FHIP1A: variants seen among roughly 807,000 people sequenced by gnomAD.
FHIP1A encodes FHF complex subunit HOOK-interacting protein 1A.
In FHIP1A, 61 loss-of-function variants were observed where a neutral mutation model predicts 88.6. That is an observed-to-expected ratio of 0.69 (90% CI 0.56 to 0.85). FHIP1A has a LOEUF of 0.85. Among genes scored for constraint, FHIP1A ranks in the 40% least tolerant of loss-of-function variants. The probability of loss-of-function intolerance (pLI) is 0.00; values close to 1 mark genes in which losing one functional copy is unlikely to be tolerated. For synonymous variants in FHIP1A, 478 were observed against 496.0 expected, an observed-to-expected ratio of 0.96 and a Z score of 0.48; for missense variants, 1,154 against 1,273.5, an observed-to-expected ratio of 0.91 and a Z score of 1.43.
At chr4:151,467,859 T>C (rs1422419746) in intron 2 of FHIP1A, among the ~76,000 whole-genome samples, 1 of 151,702 alleles carries the variant, frequency 6.6e-6, no homozygotes, top group Non-Finnish European at 1.5e-5. Context: ...GGGAGAGCAT[T>C]AGGACAAATA....
rs144886285 is a variant in FHIP1A, at chr4:151,638,588, A to ATT, written c.1147-86_1147-85dup. ...GCTAAAAAAAAAAAAAGGCCATTAT[A>ATT]TTTTGTAATTCTGATTTATTTACTA... On this transcript the variant is annotated intron_variant, in intron 8 of 13. Coordinates refer to ENST00000435205, the MANE Select transcript of FHIP1A (RefSeq NM_001109977.3). The ATT allele has an allele frequency of 3.5e-3, 2,562 of 735,914 alleles. 51 individuals carry two copies. In the African/African-American group the frequency reaches 0.042, roughly 12 times the overall value. The allele number at this position is 735,914 out of a possible 1,614,324, so 45.6% of individuals were successfully genotyped here. A position where few individuals can be genotyped will look rare whatever the true frequency, so the allele number is the denominator to read the frequency against.
At chr4:151,499,981 C>T (rs1253655895) in intron 3 of FHIP1A, among the ~76,000 whole-genome samples, 1 of 152,172 alleles carries the variant, frequency 6.6e-6, no homozygotes, top group Non-Finnish European at 1.5e-5. Flanking sequence ...CCATTCTCCA[C>T]ATAGATTCTA....
intron 2 of FHIP1A, among the ~76,000 whole-genome samples, chr4:151,467,845 G>GGGA (rs746385904): frequency 6.6e-6 from 1 of 152,060 alleles, no homozygotes; most frequent in Non-Finnish European, 1.5e-5. Flanking sequence ...GGAGGGCAAG[G>GGGA]GGAGGGAGAG....
intron 7 of FHIP1A, among the ~76,000 whole-genome samples, chr4:151,609,226 A>G (rs1182488177): frequency 1.3e-5 from 2 of 152,214 alleles, no homozygotes; most frequent in Non-Finnish European, 2.9e-5. Context: ...CAGTCCTGCC[A>G]AATGCCTTGG....
At position 151,664,725 on chromosome 4, in the gene FHIP1A, C is replaced by G. The variant is rs886995492; in HGVS notation, c.*1971C>G. On this transcript the variant is annotated 3_prime_UTR_variant, in exon 14 of 14. Coordinates refer to ENST00000435205, the MANE Select transcript of FHIP1A (RefSeq NM_001109977.3). Reference sequence around the variant, plus strand: ...ATTTATTATACTCTGTTTGTTTTTGCACAAGTATTTATCTTCTTGTTTGGA... The same window carrying G: ...ATTTATTATACTCTGTTTGTTTTTGGACAAGTATTTATCTTCTTGTTTGGA... Among the ~76,000 whole-genome samples, 1 of 152,182 alleles carries G rather than the reference C, an allele frequency of 6.6e-6. No individual in the cohort carries two copies. Among genetic ancestry groups the G allele is most frequent in the African/African-American group, 2.4e-5 (1 of 41,446 alleles).
intron 2 of FHIP1A, among the ~76,000 whole-genome samples, chr4:151,464,189 C>A (rs1561506804): frequency 6.6e-6 from 1 of 152,080 alleles, no homozygotes; most frequent in Non-Finnish European, 1.5e-5. Flanking sequence ...CCATGCCCAG[C>A]AATATTTTTA....
chr4:151,546,619 C>A (rs1221254220), intron 3 of FHIP1A, among the ~76,000 whole-genome samples: 1 of 152,202 alleles, frequency 6.6e-6, no homozygotes, highest in East Asian at 1.9e-4. Context: ...TCTGGGAATT[C>A]TTCCTAGTAG....
chr4:151,589,034 C>G (rs954747274), intron 7 of FHIP1A, 108 bp downstream of exon 7: 57 of 777,208 alleles, frequency 7.3e-5, no homozygotes, highest in Non-Finnish European at 1.0e-4. Flanking sequence ...CCTGATTTTT[C>G]TTTTCATTCC....
At chr4:151,463,180 G>T (rs1729197687) in intron 2 of FHIP1A, among the ~76,000 whole-genome samples, 1 of 152,166 alleles carries the variant, frequency 6.6e-6, no homozygotes, top group Non-Finnish European at 1.5e-5. Context: ...GCACATTCTG[G>T]CTGTTTTGGT....
At chr4:151,630,444 T>A (rs1736113572) in intron 8 of FHIP1A, among the ~76,000 whole-genome samples, 1 of 152,164 alleles carries the variant, frequency 6.6e-6, no homozygotes. Flanking sequence ...GTTTGCAACA[T>A]ATATAGAGAT....
chr4:151,658,586 C>G (rs1420073405), intron 13 of FHIP1A, among the ~76,000 whole-genome samples: 1 of 152,122 alleles, frequency 6.6e-6, no homozygotes, highest in Non-Finnish European at 1.5e-5. Flanking sequence ...CACGTAAGGT[C>G]CATTCTGCAG....
chr4:151,514,062 T>C (rs1463827841), intron 3 of FHIP1A, among the ~76,000 whole-genome samples: 1 of 151,972 alleles, frequency 6.6e-6, no homozygotes, highest in African/African-American at 2.4e-5. Flanking sequence ...AGTAAAGCTC[T>C]CCTCAGCAAA....
At chr4:151,608,037 CT>C (rs376335318) in intron 7 of FHIP1A, among the ~76,000 whole-genome samples, 217 of 67,118 alleles carry the variant, frequency 3.2e-3, no homozygotes, top group African/African-American at 9.8e-3. Context: ...CTTTCTTCTT[CT>C]TTTTTTTTTT....
chr4:151,634,127 T>C (rs573916337), intron 8 of FHIP1A, among the ~76,000 whole-genome samples: 1 of 151,878 alleles, frequency 6.6e-6, no homozygotes, highest in African/African-American at 2.4e-5. Flanking sequence ...ATATATTAAC[T>C]ATGAACAATT....
intron 7 of FHIP1A, among the ~76,000 whole-genome samples, chr4:151,611,189 T>C (rs947010236): frequency 8.6e-5 from 13 of 152,024 alleles, no homozygotes; most frequent in African/African-American, 2.9e-4. Context: ...TGAGGTGGCA[T>C]GGAGTGGGAG....
At chr4:151,492,417 C>T (rs2126649114) in intron 3 of FHIP1A, among the ~76,000 whole-genome samples, 1 of 151,886 alleles carries the variant, frequency 6.6e-6, no homozygotes, top group Non-Finnish European at 1.5e-5. Flanking sequence ...TATGGTGAAA[C>T]CCCGTCTCTA....
chr4:151,493,657 G>A (rs556951102), intron 3 of FHIP1A, among the ~76,000 whole-genome samples: 125 of 152,248 alleles, frequency 8.2e-4, no homozygotes, highest in African/African-American at 2.9e-3. Flanking sequence ...AGGGATGCAG[G>A]ATTGGTTTAA....
At chr4:151,502,406 A>G (rs1730686581) in intron 3 of FHIP1A, among the ~76,000 whole-genome samples, 1 of 152,156 alleles carries the variant, frequency 6.6e-6, no homozygotes, top group South Asian at 2.1e-4. Context: ...TATCAGTTTA[A>G]AAAAATAGAA....
At chr4:151,426,281 T>A (rs988226983) in intron 1 of FHIP1A, among the ~76,000 whole-genome samples, 1 of 152,146 alleles carries the variant, frequency 6.6e-6, no homozygotes, top group Non-Finnish European at 1.5e-5. Flanking sequence ...ACACCAAGAT[T>A]CTTTAGTAAT....
Sources: allele counts gnomAD v4.1 joint callset (sites outside exome capture counted in the v4.1 genomes callset), GRCh38; gene constraint gnomAD v4.1.1; transcripts MANE v1.5; gene names NCBI Gene and HGNC (gene_info 2026-07-23, HGNC 2026-07-21).